Variants in DLGAP2 observed in about 807,000 individuals in gnomAD.
DLGAP2 encodes the protein DLG associated protein 2.
DLGAP2 carries 26 observed loss-of-function variants against 100.3 expected under a neutral mutation model. The ratio of observed to expected loss-of-function variants is 0.26; its 90% CI spans 0.19 to 0.36. The LOEUF (loss-of-function observed/expected upper bound fraction) is 0.36, where lower values mean the gene tolerates loss of function less well. DLGAP2 is among the 10% of genes least tolerant of loss of function. DLGAP2 has a pLI of 1.00. For synonymous variants in DLGAP2, 886 were observed against 630.1 expected (o/e 1.41, Z -6.08); for missense variants, 1,858 against 1,453.2 (o/e 1.28, Z -4.53).
At chr8:1,328,377 G>A (rs972430554) in intron 3 of DLGAP2, among the ~76,000 whole-genome samples, 1 of 151,912 alleles carries the variant, frequency 6.6e-6, no homozygotes, top group African/African-American at 2.4e-5. Context: ...GGAGTAGAGT[G>A]GCATAGTCTT....
chr8:1,609,274 C>A (rs1406394759), intron 6 of DLGAP2, among the ~76,000 whole-genome samples: 1 of 142,226 alleles, frequency 7.0e-6, no homozygotes, highest in African/African-American at 2.5e-5. Flanking sequence ...CCCAGAATTT[C>A]ATATCCAGCC....
chr8:1,686,309 G>A (rs1799113855), intron 12 of DLGAP2, among the ~76,000 whole-genome samples: 2 of 152,318 alleles, frequency 1.3e-5, no homozygotes, highest in South Asian at 2.1e-4. Flanking sequence ...GGATGGAATT[G>A]GAGGTTATTA....
At chr8:1,509,182 T>C (rs1210465774) in intron 4 of DLGAP2, among the ~76,000 whole-genome samples, 1 of 151,998 alleles carries the variant, frequency 6.6e-6, no homozygotes, top group Non-Finnish European at 1.5e-5. Context: ...ATACAAAATA[T>C]TAGCCGGGCA....
chr8:1,494,465 C>G (rs1799487613), intron 3 of DLGAP2, among the ~76,000 whole-genome samples: 1 of 152,182 alleles, frequency 6.6e-6, no homozygotes, highest in Non-Finnish European at 1.5e-5. Flanking sequence ...GGTGCGGTGC[C>G]TCACGCCTTA....
chr8:830,151 A>AT (rs1201265668), intron 1 of DLGAP2, among the ~76,000 whole-genome samples: 1 of 152,088 alleles, frequency 6.6e-6, no homozygotes, highest in Non-Finnish European at 1.5e-5. Flanking sequence ...TTTTTATTTA[A>AT]TTTTTTAAGT....
chr8:1,439,545 C>G (rs1390346842), intron 3 of DLGAP2, among the ~76,000 whole-genome samples: 1 of 152,186 alleles, frequency 6.6e-6, no homozygotes, highest in Non-Finnish European at 1.5e-5. Flanking sequence ...GAGATCCTAA[C>G]GTGGGCCTCG....
chr8:1,349,136 C>G (rs1801642516), intron 3 of DLGAP2, among the ~76,000 whole-genome samples: 1 of 151,370 alleles, frequency 6.6e-6, no homozygotes, highest in South Asian at 2.2e-4. Context: ...CCCATCAGGT[C>G]TCTTTCCCTT....
intron 2 of DLGAP2, among the ~76,000 whole-genome samples, chr8:1,187,125 A>T (rs913876577): frequency 6.6e-6 from 1 of 152,222 alleles, no homozygotes; most frequent in African/African-American, 2.4e-5. Flanking sequence ...CAGTTGCCAA[A>T]ATAGCACTGG....
At chr8:964,102 T>A (rs10097918) in intron 2 of DLGAP2, among the ~76,000 whole-genome samples, 2 of 152,096 alleles carry the variant, frequency 1.3e-5, no homozygotes, top group African/African-American at 2.4e-5. Context: ...TCAAGTCTTA[T>A]GTAAAATAAA....
At position 1,425,766 on chromosome 8, in the gene DLGAP2, C is replaced by G. The variant is rs561725482; in HGVS notation, c.107-75600C>G. Among the ~76,000 whole-genome samples, 13 of 152,248 alleles carry G rather than the reference C, an allele frequency of 8.5e-5. No individual in the cohort carries two copies. In the East Asian group the frequency reaches 2.5e-3, roughly 29 times the overall value. On this transcript the variant is annotated intron_variant, in intron 3 of 14. Coordinates refer to ENST00000637795, the MANE Select transcript of DLGAP2 (RefSeq NM_001346810.2). Reference sequence around the variant, plus strand: ...GTCTGTGCACCATTAAAAAAATAAACCCACAGCAAAGCCGCTGCAGGATGA... The same window carrying G: ...GTCTGTGCACCATTAAAAAAATAAAGCCACAGCAAAGCCGCTGCAGGATGA...
chr8:848,262 T>C (rs1797107864), intron 1 of DLGAP2, among the ~76,000 whole-genome samples: 2 of 151,918 alleles, frequency 1.3e-5, no homozygotes, highest in Admixed American at 1.3e-4. Flanking sequence ...AGTATTCCAG[T>C]ATAGGATCGT....
intron 4 of DLGAP2, among the ~76,000 whole-genome samples, chr8:1,530,235 G>T (rs1228548802): frequency 6.6e-6 from 1 of 152,102 alleles, no homozygotes; most frequent in Admixed American, 6.6e-5. Flanking sequence ...ACCTGGGGGG[G>T]CTGTTTATAA....
intron 3 of DLGAP2, among the ~76,000 whole-genome samples, chr8:1,480,700 A>T (rs1450182386): frequency 1.3e-5 from 2 of 151,194 alleles, no homozygotes; most frequent in African/African-American, 2.4e-5. Flanking sequence ...TAATAATAAA[A>T]AAAAAAACCT....
intron 6 of DLGAP2, among the ~76,000 whole-genome samples, chr8:1,594,444 A>T (rs1484806499): frequency 6.6e-6 from 1 of 152,156 alleles, no homozygotes. Flanking sequence ...AACATAATTG[A>T]CCTGAAAATT....
chr8:1,026,899 G>C (rs1432473176), intron 2 of DLGAP2, among the ~76,000 whole-genome samples: 2 of 152,162 alleles, frequency 1.3e-5, no homozygotes, highest in Admixed American at 1.3e-4. Context: ...AGTTCTAAAG[G>C]TTATCGCTAA....
At chr8:1,670,194 G>A (rs1798655867) in intron 10 of DLGAP2, among the ~76,000 whole-genome samples, 1 of 152,178 alleles carries the variant, frequency 6.6e-6, no homozygotes, top group African/African-American at 2.4e-5. Context: ...CACGACTGAG[G>A]CAGTGCCAAC....
chr8:1,636,464 A>G (rs916511948), intron 8 of DLGAP2, among the ~76,000 whole-genome samples: 5 of 152,236 alleles, frequency 3.3e-5, no homozygotes, highest in Non-Finnish European at 7.3e-5. Flanking sequence ...AATTATCTCT[A>G]TATTTCAGTA....
Position 1,101,280 on chromosome 8 carries a change from G to A in DLGAP2, c.74-157571G>A, listed in dbSNP as rs151044141. ...AAGGCTCACTCACCAACACAGGGTG[G>A]GGGGCCAAGGCCGAGGAGCAGGGGG... On this transcript the variant is annotated intron_variant, in intron 2 of 14. Coordinates refer to ENST00000637795, the MANE Select transcript of DLGAP2 (RefSeq NM_001346810.2). Among the ~76,000 whole-genome samples the A allele has an allele frequency of 7.5e-3, 1,140 of 152,320 alleles. 12 individuals carry two copies. Among genetic ancestry groups the A allele is most frequent in the African/African-American group, 0.021 (862 of 41,572 alleles).
intron 2 of DLGAP2, among the ~76,000 whole-genome samples, chr8:941,161 C>A (rs1236473523): frequency 6.6e-6 from 1 of 152,134 alleles, no homozygotes; most frequent in Non-Finnish European, 1.5e-5. Flanking sequence ...GTCCCTGCGT[C>A]TGAGTCCTGT....
Sources: gnomAD v4.1 joint callset for allele counts (sites outside exome capture counted in the v4.1 genomes callset) on GRCh38, gnomAD v4.1.1 for gene constraint, MANE v1.5 for transcripts, NCBI Gene and HGNC (gene_info 2026-07-23, HGNC 2026-07-21) for gene names.